Variants in SNX29 observed in about 807,000 individuals in gnomAD.
SNX29 encodes sorting nexin-29.
A neutral mutation model predicts 102.1 loss-of-function variants in SNX29; 78 were observed. The ratio of observed to expected loss-of-function variants is 0.76; its 90% CI spans 0.64 to 0.92. The LOEUF (loss-of-function observed/expected upper bound fraction) is 0.92. Among genes scored for constraint, SNX29 ranks in the 40% least tolerant of loss-of-function variants. SNX29 has a pLI of 0.00. For missense variants in SNX29, 1,280 were observed against 1,061.7 expected, an observed-to-expected ratio of 1.21 and a Z score of -2.86; for synonymous variants, 580 against 414.5, an observed-to-expected ratio of 1.40 and a Z score of -4.85.
chr16:12,255,706 G>C (rs1303156911), intron 14 of SNX29, among the ~76,000 whole-genome samples: 1 of 152,156 alleles, frequency 6.6e-6, no homozygotes, highest in Non-Finnish European at 1.5e-5. Context: ...CAAATGACAG[G>C]ATTTTCTTCT....
At chr16:12,347,492 G>C (rs1021671238) in intron 15 of SNX29, among the ~76,000 whole-genome samples, 2 of 152,064 alleles carry the variant, frequency 1.3e-5, no homozygotes, top group African/African-American at 4.8e-5. Flanking sequence ...GAGCCAGACT[G>C]ACCACCTCCC....
intron 20 of SNX29, among the ~76,000 whole-genome samples, chr16:12,539,531 TA>T (rs2077228790): frequency 6.6e-6 from 1 of 152,234 alleles, no homozygotes; most frequent in Admixed American, 6.5e-5. Flanking sequence ...CAATTTTGAA[TA>T]GAGCTAGTGG....
intron 20 of SNX29, chr16:12,561,040 C>G (rs1015167363): frequency 2.7e-4 from 59 of 222,074 alleles, no homozygotes; most frequent in Admixed American, 1.7e-4. Flanking sequence ...AGACCCATTT[C>G]AAACCAAGAG....
At chr16:12,044,923 G>A (rs2050027410) in intron 5 of SNX29, among the ~76,000 whole-genome samples, 1 of 152,068 alleles carries the variant, frequency 6.6e-6, no homozygotes, top group African/African-American at 2.4e-5. Flanking sequence ...GCTCCTTCCA[G>A]CATATTATTT....
chr16:12,518,835 C>A (rs190350110), intron 19 of SNX29, among the ~76,000 whole-genome samples: 1 of 152,146 alleles, frequency 6.6e-6, no homozygotes, highest in East Asian at 1.9e-4. Context: ...CAGGGGATTT[C>A]GCTGCATTCC....
intron 16 of SNX29, among the ~76,000 whole-genome samples, chr16:12,379,294 A>AT (rs529935405): frequency 1.3e-4 from 20 of 152,228 alleles, no homozygotes; most frequent in African/African-American, 4.8e-4. Context: ...CTAATTAAAA[A>AT]TTTTTTTGTA....
At chr16:12,315,970 G>A (rs998060881) in intron 15 of SNX29, among the ~76,000 whole-genome samples, 15 of 152,222 alleles carry the variant, frequency 9.9e-5, no homozygotes, top group African/African-American at 3.6e-4. Flanking sequence ...TAGTGAGTGA[G>A]ATAGACACTC....
rs540187154 is a variant in SNX29 at position 12,570,675 on chromosome 16, C to G, written c.*2046C>G. ...ATTCCCTTGGGCCCAGGCTTATGAC[C>G]TGCACCTTTTCTGACACCTGCCCCC... On this transcript the variant is annotated 3_prime_UTR_variant, in exon 21 of 21. Transcript: ENST00000566228. The G allele has an allele frequency of 4.3e-6, 1 of 232,170 alleles. No individual in the cohort carries two copies. Among genetic ancestry groups the G allele is most frequent in the Non-Finnish European group, 8.5e-6 (1 of 117,398 alleles). The allele number at this position is 232,170 out of a possible 1,614,324, so 14.4% of individuals were successfully genotyped here.
At chr16:12,198,562 A>C (rs1029149068) in intron 13 of SNX29, among the ~76,000 whole-genome samples, 1 of 152,196 alleles carries the variant, frequency 6.6e-6, no homozygotes, top group African/African-American at 2.4e-5. Context: ...TCAAGACCTG[A>C]GGTGTAGGGG....
intron 20 of SNX29, chr16:12,560,915 A>G (rs1283465313): frequency 5.0e-6 from 1 of 199,294 alleles, no homozygotes; most frequent in African/African-American, 2.3e-5. Flanking sequence ...TCCTTTTAAA[A>G]TAAAGTACCT....
At chr16:12,118,445 G>A (rs1400123398) in intron 11 of SNX29, among the ~76,000 whole-genome samples, 1 of 148,754 alleles carries the variant, frequency 6.7e-6, no homozygotes, top group Non-Finnish European at 1.5e-5. Flanking sequence ...TCAGCCTCCC[G>A]AGTAGCTGGG....
At chr16:12,565,163 C>G (rs1418113947) in intron 20 of SNX29, among the ~76,000 whole-genome samples, 1 of 152,122 alleles carries the variant, frequency 6.6e-6, no homozygotes, top group Non-Finnish European at 1.5e-5. Context: ...TTTACATACT[C>G]CCAGTCCTAC....
chr16:11,983,913 G>T (rs2055492720), intron 1 of SNX29, among the ~76,000 whole-genome samples: 1 of 151,946 alleles, frequency 6.6e-6, no homozygotes, highest in Non-Finnish European at 1.5e-5. Flanking sequence ...TGGTTCTCAG[G>T]AGAGAAAAAA....
chr16:12,034,126 G>C (rs1035948180), intron 4 of SNX29, among the ~76,000 whole-genome samples: 3 of 152,046 alleles, frequency 2.0e-5, no homozygotes, highest in African/African-American at 7.2e-5. Flanking sequence ...TCTTCAGTGG[G>C]GATTTTTGAA....
At chr16:12,292,110 C>T (rs558511822) in intron 15 of SNX29, among the ~76,000 whole-genome samples, 1 of 152,200 alleles carries the variant, frequency 6.6e-6, no homozygotes, top group Non-Finnish European at 1.5e-5. Flanking sequence ...ATGTTCATTT[C>T]GAAGCTGGGC....
chr16:12,217,310 A>T (rs2077349806), intron 14 of SNX29, among the ~76,000 whole-genome samples: 2 of 152,196 alleles, frequency 1.3e-5, no homozygotes, highest in Admixed American at 6.5e-5. Context: ...GTGAGCCACC[A>T]TGCCCAGCCC....
Position 12,548,063 on chromosome 16 carries a change from C to T in SNX29, c.2319-20443C>T, listed in dbSNP as rs561245319. Among the ~76,000 whole-genome samples, 501 of 152,254 alleles carry T rather than the reference C, an allele frequency of 3.3e-3. 3 individuals are homozygous for T. The highest frequency in any genetic ancestry group is 0.011 in the African/African-American group (443 of 41,552). On this transcript the variant is annotated intron_variant, in intron 20 of 20. Transcript: ENST00000566228. ...GCAAGCACCACCCCTGGCACACACA[C>T]GGTCAGGCATGACATAAAAAGATGT...
intron 20 of SNX29, among the ~76,000 whole-genome samples, chr16:12,541,145 C>G (rs1300249103): frequency 1.3e-5 from 2 of 152,154 alleles, no homozygotes; most frequent in African/African-American, 2.4e-5. Flanking sequence ...GGTGACCTTA[C>G]TACATCATAC....
chr16:12,497,937 G>T (rs9936191), intron 19 of SNX29, among the ~76,000 whole-genome samples: 1 of 152,138 alleles, frequency 6.6e-6, no homozygotes, highest in Non-Finnish European at 1.5e-5. Context: ...GATAATTTCT[G>T]TCCACTCTCA....
Sources: allele counts gnomAD v4.1 joint callset (sites outside exome capture counted in the v4.1 genomes callset), GRCh38; gene constraint gnomAD v4.1.1; transcripts MANE v1.5; gene names NCBI Gene and HGNC (gene_info 2026-07-23, HGNC 2026-07-21).